SAFB2: variants seen among roughly 807,000 people sequenced by gnomAD.
SAFB2 encodes the protein scaffold attachment factor B2.
SAFB2 carries 32 observed loss-of-function variants against 100.6 expected under a neutral mutation model. The ratio of observed to expected loss-of-function variants is 0.32; its 90% confidence interval spans 0.24 to 0.43. The LOEUF is 0.43. Ranked by LOEUF, SAFB2 falls within the 20% of genes least tolerant of loss-of-function variation. The pLI, the probability that SAFB2 is intolerant of heterozygous loss-of-function variation, is 1.00. For missense variants in SAFB2, 1,185 were observed against 1,163.4 expected (o/e 1.02, Z -0.27); for synonymous variants, 500 against 439.4 (o/e 1.14, Z -1.72).
In SAFB2 at chr19:5,594,141, C is replaced by T. The variant is rs755435820; in HGVS notation, c.1957G>A (p.Ala653Thr). ...GCCTTCTCCTTCCGCTCATGGAAGGCCTCGAGGCGTTGCTCCCGCTCCCGC... is the reference window on the plus strand; with the variant it reads ...GCCTTCTCCTTCCGCTCATGGAAGGTCTCGAGGCGTTGCTCCCGCTCCCGC... ...EQREREQRLE[A>T]FHERKEKARL... Residue 653 changes from alanine (A) to threonine (T), a missense_variant, in exon 15 of 21, where the codon GCC becomes ACC. Coordinates refer to ENST00000252542, the MANE Select transcript of SAFB2 (RefSeq NM_014649.3). The T allele has an allele frequency of 2.5e-6, 4 of 1,601,098 alleles. No homozygotes were observed. The highest frequency in any genetic ancestry group is 2.2e-5 in the East Asian group (1 of 44,792).
Position 5,594,058 on chromosome 19 carries a change from C to G in SAFB2, c.2040G>C (p.Glu680Asp). Reference protein sequence around the residue: ...LECQRQRLERERMERERLERE... With the variant: ...LECQRQRLERDRMERERLERE... The stretch of plus-strand genomic sequence containing the variant: ...GCTCCAGCCGCTCCCGCTCCATGCG[C>G]TCCCGCTCCAGCCGCTGGCGCTGGC... Residue 680 changes from glutamate to aspartate, a missense_variant, in exon 15 of 21, where the codon GAG becomes GAC. By Grantham distance (45) the Glu-to-Asp change is conservative. Transcript: ENST00000252542. 1 of 1,588,190 alleles carries G rather than the reference C, an allele frequency of 6.3e-7. No individual in the cohort carries two copies. The highest frequency in any genetic ancestry group is 2.3e-5 in the East Asian group (1 of 44,076).
At chr19:5,601,363 C>A (rs1193141990) in intron 11 of SAFB2, among the ~76,000 whole-genome samples, 1 of 152,070 alleles carries the variant, frequency 6.6e-6, no homozygotes, top group East Asian at 1.9e-4. Context: ...GTGACACGAA[C>A]GAGGCCATAC....
In SAFB2 at chr19:5,620,565, T is replaced by A. The variant is rs148017918; in HGVS notation, c.274+744A>T. On this transcript the variant is annotated intron_variant, in intron 2 of 20. Transcript: ENST00000252542. ...TTTAAGCATTATGCTACGTGAAAGC[T>A]GATGCAAATGGCCATATGTTGTACA... 8.4e-3 allele frequency among the ~76,000 whole-genome samples: 1,279 copies of A among 152,370 alleles called. 13 individuals are homozygous for A. Among genetic ancestry groups the A allele is most frequent in the South Asian group, 0.013 (62 of 4,830 alleles).
At position 5,622,724 on chromosome 19, in the gene SAFB2, T is replaced by G. The variant is rs1461189748; in HGVS notation, c.-9A>C. On this transcript the variant is annotated 5_prime_UTR_variant, in exon 1 of 21. Transcript: ENST00000252542. ...GGCAGAGTCTCCGCCATCGTCGCGT[T>G]CCCGTCTTCGCCACCGACTCAGTCG... The G allele has an allele frequency of 6.3e-7, 1 of 1,595,550 alleles. No homozygotes were observed. Among genetic ancestry groups the G allele is most frequent in the Non-Finnish European group, 8.5e-7 (1 of 1,175,198 alleles).
Position 5,598,634 on chromosome 19 carries a change from T to C in SAFB2, c.1782+159A>G, listed in dbSNP as rs1458436742. 12 of 649,182 alleles carry C rather than the reference T, an allele frequency of 1.8e-5. No homozygotes were observed. In the East Asian group the frequency reaches 2.8e-4, roughly 15 times the overall value. The allele number at this position is 649,182 out of a possible 1,614,324, so 40.2% of individuals were successfully genotyped here. A position where few individuals can be genotyped will look rare whatever the true frequency, so the allele number is the denominator to read the frequency against. On this transcript the variant is annotated intron_variant, in intron 13 of 20. Transcript: ENST00000252542. ...ACTGCTCTGCAGAAAGCACCAGGAT[T>C]CATGTGTGTGTCTGTATCCGCAATC...
intron 2 of SAFB2, 84 bp downstream of exon 2, chr19:5,621,225 G>A (rs1416339217): frequency 1.1e-6 from 1 of 900,532 alleles, no homozygotes. Flanking sequence ...AATTCTCCCA[G>A]CCTAGAAGGC....
At chr19:5,603,575 C>G (rs567744815) in intron 11 of SAFB2, among the ~76,000 whole-genome samples, 1 of 152,302 alleles carries the variant, frequency 6.6e-6, no homozygotes, top group Admixed American at 6.5e-5. Flanking sequence ...ATAAATCACC[C>G]CTTTATAAAA....
In SAFB2 at chr19:5,593,872, C is replaced by A. The variant is rs1418459013; in HGVS notation, c.2207+19G>T. On this transcript the variant is annotated intron_variant, in intron 15 of 20. Transcript: ENST00000252542. The stretch of plus-strand genomic sequence containing the variant: ...GCCACGCTGGTCTCCGTCCTGCCCA[C>A]GCTCTGGGCGGGACTCACCGGTCCA... 5 of 1,451,058 alleles carry A rather than the reference C, an allele frequency of 3.4e-6. No homozygotes were observed. The East Asian group carries it at 1.0e-4, about 30-fold the overall frequency. 89.9% of individuals were successfully genotyped at this position (1,451,058 alleles called of 1,614,324 possible). A position where few individuals can be genotyped will look rare whatever the true frequency, so the allele number is the denominator to read the frequency against.
At chr19:5,595,692 C>T (rs2052522023) in intron 13 of SAFB2, among the ~76,000 whole-genome samples, 195 bp from the exon 14 acceptor site, 1 of 152,234 alleles carries the variant, frequency 6.6e-6, no homozygotes, top group Admixed American at 6.5e-5. Flanking sequence ...AATCCAGAAT[C>T]CTGCTTTCAG....
intron 9 of SAFB2, among the ~76,000 whole-genome samples, chr19:5,606,495 T>G (rs969528375): frequency 7.9e-5 from 12 of 152,116 alleles, no homozygotes; most frequent in Non-Finnish European, 1.6e-4. Flanking sequence ...GGTGTAGTGG[T>G]ACATGCCTGT....
At chr19:5,588,775 A>C (rs1433942023) in intron 18 of SAFB2, 1 of 152,250 alleles carries the variant, frequency 6.6e-6, no homozygotes, top group Non-Finnish European at 1.5e-5. Flanking sequence ...AAAATGCTTC[A>C]GAATCAGCCG....
In SAFB2 at chr19:5,587,971, A is replaced by C; in HGVS notation, c.2535T>G (p.Arg845=). 6.2e-7 allele frequency: 1 copy of C among 1,611,804 alleles called. No homozygotes were observed. Among genetic ancestry groups the C allele is most frequent in the Non-Finnish European group, 8.5e-7 (1 of 1,179,320 alleles). Reference sequence around the variant, plus strand: ...GCCGCTGGTTGTGCTCTCCCCAGTCACGGCCACCCCTTTGCCAAAAGAAAA... The same window carrying C: ...GCCGCTGGTTGTGCTCTCCCCAGTCCCGGCCACCCCTTTGCCAAAAGAAAA... ...RGLPPPPRGG[R]DWGEHNQRLE... Residue 845 remains arginine, a synonymous_variant, in exon 19 of 21, where the codon CGT becomes CGG. Transcript: ENST00000252542. The surrounding 1 kb of genome is among the most constrained non-coding windows in gnomAD (Gnocchi z 4.9).
At position 5,595,447 on chromosome 19, in the gene SAFB2, G is replaced by C; in HGVS notation, c.1833C>G (p.Ile611Met). The change falls in exon 14 of 21, where the codon ATC becomes ATG. Residue 611 changes from isoleucine (I) to methionine (M), a missense_variant. Transcript: ENST00000252542. ...RKSESKEKRD[I>M]LSFDKIKEQR... is the part of the protein sequence containing the mutation. The stretch of plus-strand genomic sequence containing the variant: ...GTTCTTTGATTTTATCAAACGACAA[G>C]ATGTCTCTCTTTTCTTTGCTTTCTG... The C allele has an allele frequency of 1.2e-6, 2 of 1,613,902 alleles. No homozygotes were observed. Among genetic ancestry groups the C allele is most frequent in the Non-Finnish European group, 1.7e-6 (2 of 1,180,012 alleles).
chr19:5,587,663 G>C lies in SAFB2; in HGVS notation c.2705+38C>G, dbSNP rs2052286968. ...AAAAAGGGAGAGGAAGTGAGGAGCAGGAGTGAACCACCGTCCTCCACGGAC... is the reference window on the plus strand; with the variant it reads ...AAAAAGGGAGAGGAAGTGAGGAGCACGAGTGAACCACCGTCCTCCACGGAC... On this transcript the variant is annotated intron_variant, in intron 20 of 20. Transcript: ENST00000252542. This position sits in a 1 kb window ranked among gnomAD's most constrained non-coding sequence, Gnocchi z 4.9. 1 of 1,527,964 alleles carries C rather than the reference G, an allele frequency of 6.5e-7. No homozygotes were observed. Among genetic ancestry groups the C allele is most frequent in the Non-Finnish European group, 8.8e-7 (1 of 1,134,606 alleles). The allele number at this position is 1,527,964 out of a possible 1,614,324, so 94.7% of individuals were successfully genotyped here. A position where few individuals can be genotyped will look rare whatever the true frequency, so the allele number is the denominator to read the frequency against.
In SAFB2 at chr19:5,593,993, T is replaced by C. The variant is rs1037489805; in HGVS notation, c.2105A>G (p.Gln702Arg). 1.3e-6 allele frequency: 2 copies of C among 1,558,878 alleles called. No individual in the cohort carries two copies. Among genetic ancestry groups the C allele is most frequent in the East Asian group, 2.4e-5 (1 of 42,332 alleles). ...MRVERERRKE[Q>R]ERIHREREEL... Reference sequence around the variant, plus strand: ...CTCGCGCTCGCGGTGGATGCGCTCCTGCTCCTTCCTGCGCTCACGCTCCAC... The same window carrying C: ...CTCGCGCTCGCGGTGGATGCGCTCCCGCTCCTTCCTGCGCTCACGCTCCAC... The change falls in exon 15 of 21, where the codon CAG becomes CGG. Residue 702 changes from glutamine to arginine, a missense_variant. Physicochemically the swap from Gln to Arg is conservative, Grantham distance 43. Around this residue, in one of 3 missense-constraint regions of SAFB2, gnomAD observed 740 missense variants for 687.1 expected, o/e 1.08. Coordinates refer to ENST00000252542, the MANE Select transcript of SAFB2 (RefSeq NM_014649.3).
intron 13 of SAFB2, among the ~76,000 whole-genome samples, chr19:5,596,393 C>T (rs1378265374): frequency 6.6e-6 from 1 of 152,200 alleles, no homozygotes; most frequent in African/African-American, 2.4e-5. Context: ...CAGTCTTGTT[C>T]TGTTGTCCAG....
chr19:5,608,932 C>T (rs1433273081), intron 9 of SAFB2, among the ~76,000 whole-genome samples: 1 of 151,760 alleles, frequency 6.6e-6, no homozygotes, highest in African/African-American at 2.4e-5. Flanking sequence ...CCTGTAATCC[C>T]AGCTACTCGA....
intron 15 of SAFB2, 145 bp downstream of exon 15, chr19:5,593,746 G>C: frequency 1.2e-6 from 1 of 854,536 alleles, no homozygotes; most frequent in South Asian, 2.2e-5. Flanking sequence ...AGTGAGATCG[G>C]CGGGGGGTCC....
chr19:5,598,256 A>G (rs937051002), intron 13 of SAFB2, among the ~76,000 whole-genome samples: 1 of 152,192 alleles, frequency 6.6e-6, no homozygotes, highest in African/African-American at 2.4e-5. Context: ...TAGAACCTGC[A>G]GCTGGGAAGC....
Sources: gnomAD v4.1 joint callset for allele counts (sites outside exome capture counted in the v4.1 genomes callset) on GRCh38, gnomAD v4.1.1 for gene constraint, gnomAD v4.1.1 regional missense constraint, Gnocchi (gnomAD v3.1) non-coding constraint, MANE v1.5 for transcripts, NCBI Gene and HGNC (gene_info 2026-07-23, HGNC 2026-07-21) for gene names.